The following NECTIN1 variants were observed in gnomAD, a reference collection of about 807,000 sequenced individuals.
NECTIN1 encodes nectin cell adhesion molecule 1, also known as nectin-1.
A neutral mutation model predicts 48.0 loss-of-function variants in NECTIN1; 23 were observed. That is an observed-to-expected ratio of 0.48 (90% CI 0.34 to 0.68). The LOEUF (loss-of-function observed/expected upper bound fraction) is 0.68. Among genes scored for constraint, NECTIN1 ranks in the 30% least tolerant of loss-of-function variants. The probability of loss-of-function intolerance (pLI) is 0.01; values close to 1 mark genes in which losing one functional copy is unlikely to be tolerated. For missense variants in NECTIN1, 591 were observed against 709.9 expected (o/e 0.83, Z 1.90); for synonymous variants, 270 against 288.9 (o/e 0.93, Z 0.66).
chr11:119,696,255 G>T (rs577805120), intron 1 of NECTIN1, among the ~76,000 whole-genome samples: 1 of 152,336 alleles, frequency 6.6e-6, no homozygotes, highest in South Asian at 2.1e-4. Context: ...AAAGGTAAAA[G>T]TCTGTCTTTG....
At chr11:119,723,718 C>T (rs1013187353) in intron 1 of NECTIN1, among the ~76,000 whole-genome samples, 4 of 152,196 alleles carry the variant, frequency 2.6e-5, no homozygotes, top group African/African-American at 7.2e-5. Context: ...TCTCCATCTC[C>T]TAGCCCCCAA....
At chr11:119,691,173 G>A (rs1865245789) in intron 1 of NECTIN1, among the ~76,000 whole-genome samples, 1 of 152,116 alleles carries the variant, frequency 6.6e-6, no homozygotes. Context: ...TGCCAACCTA[G>A]ACCACAACAC....
chr11:119,680,022 C>T (rs924651467), intron 1 of NECTIN1, among the ~76,000 whole-genome samples: 1 of 152,208 alleles, frequency 6.6e-6, no homozygotes, highest in Non-Finnish European at 1.5e-5. Context: ...TCTGTATCCC[C>T]AGTGCCCAGT....
downstream of NECTIN1, among the ~76,000 whole-genome samples, chr11:119,659,940 C>T (rs1037336218): frequency 6.6e-6 from 1 of 152,214 alleles, no homozygotes; most frequent in Non-Finnish European, 1.5e-5. Context: ...GCATCTCATT[C>T]GAATATCAAC....
At position 119,643,952 on chromosome 11, in the gene NECTIN1, C is replaced by T. The variant is rs139424350; in HGVS notation, c.1004-3940G>A. On this transcript the variant is annotated intron_variant, in intron 5 of 7. Coordinates refer to the NECTIN1 transcript ENST00000341398. Reference sequence around the variant, plus strand: ...CTGTACTGCAAAAGGGCAGAGCAGTCAAGTCAGCAGTCCAGGTCCCACAGC... The same window carrying T: ...CTGTACTGCAAAAGGGCAGAGCAGTTAAGTCAGCAGTCCAGGTCCCACAGC... Among the ~76,000 whole-genome samples the T allele has an allele frequency of 1.1e-3, 168 of 152,344 alleles. 2 individuals are homozygous for T. In the East Asian group the frequency reaches 0.017, roughly 16 times the overall value.
chr11:119,696,075 G>A (rs1276888411), intron 1 of NECTIN1, among the ~76,000 whole-genome samples: 1 of 152,244 alleles, frequency 6.6e-6, no homozygotes, highest in Non-Finnish European at 1.5e-5. Context: ...TACAGTCCTG[G>A]TGGGTGAAGG....
At chr11:119,670,239 T>G (rs986124163) in intron 5 of NECTIN1, among the ~76,000 whole-genome samples, 1 of 152,100 alleles carries the variant, frequency 6.6e-6, no homozygotes, top group Non-Finnish European at 1.5e-5. Flanking sequence ...GGATTACAGG[T>G]GTGAGCCACC....
At chr11:119,651,890 A>G (rs1194782276) in intron 5 of NECTIN1, among the ~76,000 whole-genome samples, 1 of 152,030 alleles carries the variant, frequency 6.6e-6, no homozygotes, top group Non-Finnish European at 1.5e-5. Flanking sequence ...CCCATCTTCC[A>G]TTTGCCAGGC....
intron 1 of NECTIN1, among the ~76,000 whole-genome samples, chr11:119,680,757 A>T (rs1865046236): frequency 6.6e-6 from 1 of 152,210 alleles, no homozygotes; most frequent in South Asian, 2.1e-4. Flanking sequence ...ACATCCACAC[A>T]GCCCTCAAGG....
chr11:119,646,071 G>A (rs1294803753), intron 5 of NECTIN1, among the ~76,000 whole-genome samples: 2 of 152,176 alleles, frequency 1.3e-5, no homozygotes, highest in African/African-American at 2.4e-5. Flanking sequence ...TGGGCTCCCG[G>A]TCTCTTCCTC....
chr11:119,706,859 C>A (rs1772264827), intron 1 of NECTIN1, among the ~76,000 whole-genome samples: 1 of 152,192 alleles, frequency 6.6e-6, no homozygotes, highest in Non-Finnish European at 1.5e-5. Context: ...CATTATCCCA[C>A]TTTTGTCCTC....
At chr11:119,681,117 G>A (rs1865053730) in intron 1 of NECTIN1, among the ~76,000 whole-genome samples, 1 of 152,054 alleles carries the variant, frequency 6.6e-6, no homozygotes, top group Admixed American at 6.6e-5. Flanking sequence ...CAGTGGGCCA[G>A]ACGGCCCAGT....
At chr11:119,682,967 C>T (rs1240389192) in intron 1 of NECTIN1, among the ~76,000 whole-genome samples, 1 of 152,174 alleles carries the variant, frequency 6.6e-6, no homozygotes, top group Non-Finnish European at 1.5e-5. Flanking sequence ...GACCTGTACC[C>T]CTTTATTTTC....
At chr11:119,648,655 G>A (rs958937878) in intron 5 of NECTIN1, among the ~76,000 whole-genome samples, 2 of 151,988 alleles carry the variant, frequency 1.3e-5, no homozygotes, top group Non-Finnish European at 2.9e-5. Flanking sequence ...CTATGTTCCA[G>A]GGTCCCAGCC....
At chr11:119,682,439 G>A (rs1220725920) in intron 1 of NECTIN1, among the ~76,000 whole-genome samples, 1 of 152,146 alleles carries the variant, frequency 6.6e-6, no homozygotes, top group Non-Finnish European at 1.5e-5. Flanking sequence ...CCTGAAAGCT[G>A]AGCTAGCGTC....
intron 1 of NECTIN1, among the ~76,000 whole-genome samples, chr11:119,689,946 C>A (rs941313104): frequency 3.3e-5 from 5 of 152,248 alleles, no homozygotes; most frequent in African/African-American, 9.6e-5. Context: ...TATTTCATTT[C>A]TGGGCAGAAC....
At chr11:119,721,823 C>A (rs1314396210) in intron 1 of NECTIN1, among the ~76,000 whole-genome samples, 1 of 152,224 alleles carries the variant, frequency 6.6e-6, no homozygotes, top group Non-Finnish European at 1.5e-5. Flanking sequence ...GCTTCCCTGG[C>A]CCCCAGGAAC....
At chr11:119,687,888 C>G (rs1052238737) in intron 1 of NECTIN1, among the ~76,000 whole-genome samples, 1 of 151,906 alleles carries the variant, frequency 6.6e-6, no homozygotes, top group Non-Finnish European at 1.5e-5. Context: ...CTCGGATGGC[C>G]GGGGGGGTGA....
chr11:119,662,630 C>A lies in NECTIN1; in HGVS notation c.*2117G>T. On this transcript the variant is annotated 3_prime_UTR_variant, in exon 6 of 6. Coordinates refer to ENST00000264025, the MANE Select transcript of NECTIN1 (RefSeq NM_002855.5). The surrounding 1 kb of genome is among the most constrained non-coding windows in gnomAD (Gnocchi z 5.3). ...TCTATCAGGCAGGCCCCTGGGATTG[C>A]CTCCTGCCTGGGGGAAAAGGGGACC... 2.0e-6 allele frequency: 2 copies of A among 985,542 alleles called. No homozygotes were observed. Among genetic ancestry groups the A allele is most frequent in the Non-Finnish European group, 2.4e-6 (2 of 829,966 alleles). 61.0% of individuals were successfully genotyped at this position (985,542 alleles called of 1,614,324 possible).
Sources: gnomAD v4.1 joint callset for allele counts (sites outside exome capture counted in the v4.1 genomes callset) on GRCh38, gnomAD v4.1.1 for gene constraint, Gnocchi (gnomAD v3.1) non-coding constraint, MANE v1.5 for transcripts, NCBI Gene and HGNC (gene_info 2026-07-23, HGNC 2026-07-21) for gene names.